The following COL11A1 variants were observed in gnomAD, a reference collection of about 807,000 sequenced individuals.
COL11A1 encodes the protein collagen alpha-1(XI) chain.
COL11A1 carries 74 observed loss-of-function variants against 265.2 expected under a neutral mutation model. That is an observed-to-expected ratio of 0.28 (90% CI 0.23 to 0.34). The LOEUF (loss-of-function observed/expected upper bound fraction) is 0.34. Among genes scored for constraint, COL11A1 ranks in the 10% least tolerant of loss-of-function variants. COL11A1 has a pLI of 1.00. For synonymous variants in COL11A1, 816 were observed against 727.6 expected, an observed-to-expected ratio of 1.12 and a Z score of -1.96; for missense variants, 2,165 against 2,263.6, an observed-to-expected ratio of 0.96 and a Z score of 0.88.
intron 41 of COL11A1, among the ~76,000 whole-genome samples, chr1:102,955,933 G>T (rs1018761127): frequency 1.3e-4 from 20 of 152,082 alleles, no homozygotes; most frequent in African/African-American, 4.8e-4. Flanking sequence ...CCCTGGATTT[G>T]ATTGGCATCT....
At chr1:102,997,576 T>C (rs1664747737) in intron 25 of COL11A1, among the ~76,000 whole-genome samples, 1 of 151,920 alleles carries the variant, frequency 6.6e-6, no homozygotes, top group African/African-American at 2.4e-5. Context: ...ACAGTGTTAA[T>C]AATCAACTTA....
At chr1:102,900,275 A>G (rs1653020771) in intron 54 of COL11A1, among the ~76,000 whole-genome samples, 1 of 152,116 alleles carries the variant, frequency 6.6e-6, no homozygotes, top group Non-Finnish European at 1.5e-5. Flanking sequence ...ATAATAATAT[A>G]TACATTAAAA....
At chr1:102,961,810 G>A in intron 41 of COL11A1, 56 bp downstream of exon 41, 9 of 1,463,676 alleles carry the variant, frequency 6.1e-6, no homozygotes, top group Non-Finnish European at 8.6e-6. Flanking sequence ...AGTAATGAAA[G>A]AAGAGCTGTA....
intron 32 of COL11A1, 97 bp downstream of exon 32, chr1:102,979,285 C>A: frequency 1.6e-6 from 2 of 1,248,410 alleles, no homozygotes; most frequent in African/African-American, 1.5e-5. Flanking sequence ...CAATCCTCCA[C>A]CTGAGCCTCA....
chr1:103,081,230 C>G (rs964367617), intron 2 of COL11A1, among the ~76,000 whole-genome samples: 7 of 151,780 alleles, frequency 4.6e-5, no homozygotes, highest in Non-Finnish European at 3.0e-5. Context: ...ATGCAGAACA[C>G]ACTGACCCTG....
At chr1:102,973,407 G>T (rs1179639047) in intron 36 of COL11A1, among the ~76,000 whole-genome samples, 1 of 151,998 alleles carries the variant, frequency 6.6e-6, no homozygotes, top group East Asian at 1.9e-4. Flanking sequence ...AGTCAAATGG[G>T]TTTCTTTGAC....
In COL11A1 at chr1:103,018,792, A is replaced by C. The variant is rs190529744; in HGVS notation, c.1350+26T>G. 3.2e-4 allele frequency: 505 copies of C among 1,595,584 alleles called. 3 individuals are homozygous for C. In the African/African-American group the frequency reaches 5.5e-3, roughly 17 times the overall value. On this transcript the variant is annotated intron_variant, in intron 10 of 66. Coordinates refer to ENST00000370096, the MANE Select transcript of COL11A1 (RefSeq NM_001854.4). ...TATATATGATTACTTTAAATAGACAAAAATAATCTTAAAACATTTACATAC... is the reference window on the plus strand; with the variant it reads ...TATATATGATTACTTTAAATAGACACAAATAATCTTAAAACATTTACATAC...
At chr1:103,092,483 T>C (rs1476479912) in intron 1 of COL11A1, among the ~76,000 whole-genome samples, 1 of 152,136 alleles carries the variant, frequency 6.6e-6, no homozygotes, top group Non-Finnish European at 1.5e-5. Flanking sequence ...AGATCATACA[T>C]GGCACCATTA....
At chr1:103,077,136 A>T (rs1672036689) in intron 3 of COL11A1, among the ~76,000 whole-genome samples, 1 of 152,150 alleles carries the variant, frequency 6.6e-6, no homozygotes, top group Admixed American at 6.6e-5. Context: ...TATTATCAAG[A>T]TAATATTTTA....
chr1:102,933,506 A>C (rs1199279746), intron 46 of COL11A1, among the ~76,000 whole-genome samples: 1 of 152,040 alleles, frequency 6.6e-6, no homozygotes, highest in East Asian at 1.9e-4. Context: ...GCTTTCAGAC[A>C]GGGACATTTA....
chr1:102,989,621 G>A, intron 28 of COL11A1, 50 bp from the exon 29 acceptor site: 1 of 1,306,250 alleles, frequency 7.7e-7, no homozygotes, highest in Non-Finnish European at 1.1e-6. Context: ...GTCCTTTGGA[G>A]TAACCTAAAA....
intron 18 of COL11A1, 108 bp downstream of exon 18, chr1:103,005,730 C>A: frequency 7.6e-7 from 1 of 1,323,444 alleles, no homozygotes; most frequent in Non-Finnish European, 1.1e-6. Context: ...TAAGTGGATT[C>A]ACAAACGTTA....
At chr1:103,025,875 G>T in intron 6 of COL11A1, 1 of 1,613,200 alleles carries the variant, frequency 6.2e-7, no homozygotes, top group Non-Finnish European at 8.5e-7. Flanking sequence ...CAGATTTGGG[G>T]GGTGTAAACT....
intron 23 of COL11A1, 47 bp downstream of exon 23, chr1:103,002,381 C>G: frequency 6.9e-7 from 1 of 1,458,510 alleles, no homozygotes; most frequent in Non-Finnish European, 9.5e-7. Context: ...AGAAAGATAG[C>G]ATCTTCCCCC....
At chr1:102,993,546 A>G (rs1395127624) in intron 28 of COL11A1, among the ~76,000 whole-genome samples, 2 of 152,074 alleles carry the variant, frequency 1.3e-5, no homozygotes, top group Non-Finnish European at 2.9e-5. Flanking sequence ...TTGTTGTACT[A>G]TAACTTTTTT....
intron 15 of COL11A1, among the ~76,000 whole-genome samples, chr1:103,007,969 A>G (rs1022437106): frequency 1.3e-5 from 2 of 152,118 alleles, no homozygotes; most frequent in Admixed American, 6.6e-5. Flanking sequence ...TGGGCCAACA[A>G]TAACAGTACA....
At chr1:102,969,157 C>A (rs1290529142) in intron 37 of COL11A1, among the ~76,000 whole-genome samples, 1 of 152,116 alleles carries the variant, frequency 6.6e-6, no homozygotes, top group Non-Finnish European at 1.5e-5. Flanking sequence ...CTTTTGAAAT[C>A]CAAGACTCCA....
At chr1:102,957,168 C>A (rs997197112) in intron 41 of COL11A1, among the ~76,000 whole-genome samples, 3 of 151,742 alleles carry the variant, frequency 2.0e-5, no homozygotes, top group Non-Finnish European at 2.9e-5. Context: ...ATAATAACGA[C>A]CTATGTTTCA....
At chr1:103,077,693 A>G (rs907935199) in intron 3 of COL11A1, among the ~76,000 whole-genome samples, 4 of 152,096 alleles carry the variant, frequency 2.6e-5, no homozygotes, top group Non-Finnish European at 5.9e-5. Flanking sequence ...GTGATAAAAT[A>G]TTGAGTAAAT....
Sources: gnomAD v4.1 joint callset for allele counts (sites outside exome capture counted in the v4.1 genomes callset) on GRCh38, gnomAD v4.1.1 for gene constraint, MANE v1.5 for transcripts, NCBI Gene and HGNC (gene_info 2026-07-23, HGNC 2026-07-21) for gene names.